Variants in SLC24A2 observed in about 807,000 individuals in gnomAD.
The protein encoded by SLC24A2 is solute carrier family 24 member 2, also known as sodium/potassium/calcium exchanger 2.
A neutral mutation model predicts 62.0 loss-of-function variants in SLC24A2; 36 were observed. The observed-to-expected ratio is 0.58, with a 90% CI of 0.44 to 0.77. The LOEUF (loss-of-function observed/expected upper bound fraction) is 0.77, where lower values mean the gene tolerates loss of function less well. Ranked by LOEUF, SLC24A2 falls within the 30% of genes least tolerant of loss-of-function variation. The pLI is 0.00. For missense variants in SLC24A2, 846 were observed against 817.9 expected (o/e 1.03, Z -0.42); for synonymous variants, 358 against 294.0 (o/e 1.22, Z -2.23).
At chr9:19,885,124 G>A in the SLC24A2 span, among the ~76,000 whole-genome samples, 2 of 152,064 alleles carry the variant, frequency 1.3e-5, no homozygotes. Context: ...CAACAGTGTC[G>A]CTGGGGACAT....
the SLC24A2 span, among the ~76,000 whole-genome samples, chr9:20,218,883 G>A: frequency 3.9e-5 from 6 of 152,138 alleles, no homozygotes; most frequent in Admixed American, 3.3e-4. Flanking sequence ...AGGTGTCTGC[G>A]AGGAATGCAG....
the SLC24A2 span, among the ~76,000 whole-genome samples, chr9:20,258,473 GGGTCT>G: frequency 6.6e-6 from 1 of 152,142 alleles, no homozygotes; most frequent in African/African-American, 2.4e-5. Flanking sequence ...CAACAACTGG[GGGTCT>G]GGATGGAACA....
chr9:19,937,503 T>C, the SLC24A2 span, among the ~76,000 whole-genome samples: 1 of 152,234 alleles, frequency 6.6e-6, no homozygotes, highest in African/African-American at 2.4e-5. Flanking sequence ...CATGCAGTTT[T>C]GTACTAGCAG....
chr9:20,102,329 C>T, the SLC24A2 span, among the ~76,000 whole-genome samples: 1 of 152,050 alleles, frequency 6.6e-6, no homozygotes, highest in African/African-American at 2.4e-5. Flanking sequence ...AGTAAGAGAT[C>T]ATGTCCTTTG....
chr9:19,801,895 G>C, the SLC24A2 span, among the ~76,000 whole-genome samples: 1 of 152,078 alleles, frequency 6.6e-6, no homozygotes, highest in Non-Finnish European at 1.5e-5. Context: ...GAACATATCA[G>C]ACTGCAGTAG....
chr9:20,056,163 C>A, the SLC24A2 span, among the ~76,000 whole-genome samples: 3 of 152,124 alleles, frequency 2.0e-5, no homozygotes, highest in African/African-American at 7.2e-5. Flanking sequence ...AGCAAAGAGC[C>A]TGGCATTTGC....
intron 2 of SLC24A2, among the ~76,000 whole-genome samples, chr9:19,735,305 A>C (rs2094401891): frequency 6.6e-6 from 1 of 152,184 alleles, no homozygotes; most frequent in Admixed American, 6.5e-5. Flanking sequence ...AACCACAACG[A>C]GATACCATCT....
intron 2 of SLC24A2, among the ~76,000 whole-genome samples, chr9:19,735,223 A>G (rs2118736451): frequency 6.6e-6 from 1 of 152,360 alleles, no homozygotes; most frequent in African/African-American, 2.4e-5. Flanking sequence ...TCTCAAAAGA[A>G]GACATTTATG....
chr9:19,996,350 G>C, the SLC24A2 span, among the ~76,000 whole-genome samples: 8 of 152,156 alleles, frequency 5.3e-5, no homozygotes, highest in Admixed American at 6.5e-5. Context: ...ACCATATTTA[G>C]TCTCTAATAT....
chr9:20,265,092 C>T, the SLC24A2 span, among the ~76,000 whole-genome samples: 1 of 152,258 alleles, frequency 6.6e-6, no homozygotes, highest in African/African-American at 2.4e-5. Context: ...TGGCTCTGCT[C>T]TTGCAGCGGG....
At chr9:19,822,367 G>T in the SLC24A2 span, among the ~76,000 whole-genome samples, 1 of 152,062 alleles carries the variant, frequency 6.6e-6, no homozygotes, top group African/African-American at 2.4e-5. Flanking sequence ...TATAATTGAT[G>T]ATAGGAATCT....
At chr9:19,745,187 T>C (rs1459681410) in intron 2 of SLC24A2, among the ~76,000 whole-genome samples, 2 of 152,146 alleles carry the variant, frequency 1.3e-5, no homozygotes, top group African/African-American at 4.8e-5. Flanking sequence ...ACCTGCTCCC[T>C]TAGCCTTCTG....
intron 5 of SLC24A2, among the ~76,000 whole-genome samples, chr9:19,594,273 G>C (rs1646251388): frequency 6.6e-6 from 1 of 151,766 alleles, no homozygotes; most frequent in African/African-American, 2.4e-5. Context: ...AATTCCATGG[G>C]GTCAAACTGC....
intron 8 of SLC24A2, among the ~76,000 whole-genome samples, chr9:19,543,133 G>C (rs184100219): frequency 6.6e-6 from 1 of 151,902 alleles, no homozygotes; most frequent in Non-Finnish European, 1.5e-5. Flanking sequence ...TCAGGGATTC[G>C]ACTTCTTCCT....
the SLC24A2 span, among the ~76,000 whole-genome samples, chr9:19,838,455 CCA>C: frequency 2.9e-3 from 415 of 144,796 alleles, 2 homozygotes; most frequent in East Asian, 9.8e-3. Flanking sequence ...AGACCTAAAA[CCA>C]CACACACACA....
the SLC24A2 span, among the ~76,000 whole-genome samples, chr9:20,039,807 T>C: frequency 2.0e-5 from 3 of 152,150 alleles, no homozygotes; most frequent in Admixed American, 2.0e-4. Context: ...GAGCTGGAAC[T>C]GTAGGGAAGA....
At chr9:20,198,565 C>T in the SLC24A2 span, among the ~76,000 whole-genome samples, 630 of 152,214 alleles carry the variant, frequency 4.1e-3, 4 homozygotes, top group African/African-American at 0.014. Flanking sequence ...AGCCAGCTGG[C>T]GGACAAAGGA....
chr9:19,874,922 A>G, the SLC24A2 span, among the ~76,000 whole-genome samples: 3 of 151,728 alleles, frequency 2.0e-5, no homozygotes, highest in East Asian at 5.8e-4. Context: ...CTCAATTTAC[A>G]GAAGCACTTC....
the SLC24A2 span, among the ~76,000 whole-genome samples, chr9:20,082,210 C>A: frequency 6.6e-6 from 1 of 152,136 alleles, no homozygotes; most frequent in African/African-American, 2.4e-5. Flanking sequence ...AAACTTGATA[C>A]CCTCAACCAG....
Sources: gnomAD v4.1 joint callset for allele counts (sites outside exome capture counted in the v4.1 genomes callset) on GRCh38, gnomAD v4.1.1 for gene constraint, MANE v1.5 for transcripts, NCBI Gene and HGNC (gene_info 2026-07-23, HGNC 2026-07-21) for gene names.